The following FAM151B variants were observed in gnomAD, a reference collection of about 807,000 sequenced individuals.
FAM151B encodes the protein protein FAM151B.
In FAM151B, 24 loss-of-function variants were observed where a neutral mutation model predicts 31.2. The observed-to-expected ratio is 0.77, with a 90% CI of 0.56 to 1.08. The LOEUF (loss-of-function observed/expected upper bound fraction) is 1.08, where lower values mean the gene tolerates loss of function less well. Ranked by LOEUF, FAM151B falls within the 50% of genes least tolerant of loss-of-function variation. The probability of loss-of-function intolerance (pLI) is 0.00; values close to 1 mark genes in which losing one functional copy is unlikely to be tolerated. For synonymous variants in FAM151B, 105 were observed against 111.4 expected (o/e 0.94, Z 0.36); for missense variants, 293 against 328.6 (o/e 0.89, Z 0.84).
At position 80,519,833 on chromosome 5, in the gene FAM151B, C is replaced by G; in HGVS notation, c.458C>G (p.Thr153Ser). The G allele has an allele frequency of 2.5e-6, 4 of 1,614,116 alleles. No homozygotes were observed. Among genetic ancestry groups the G allele is most frequent in the Non-Finnish European group, 3.4e-6 (4 of 1,180,014 alleles). Reference sequence around the variant, plus strand: ...ATAGATGCAAAACCATTTTTAGACACCGTGATATCCTTCTTTCCAGACGTG... The same window carrying G: ...ATAGATGCAAAACCATTTTTAGACAGCGTGATATCCTTCTTTCCAGACGTG... ...KVIDAKPFLD[T>S]VISFFPDVTF... Residue 153 changes from threonine (T) to serine (S), a missense_variant, in exon 4 of 6, where the codon ACC becomes AGC. By Grantham distance (58) the Thr-to-Ser change is moderately conservative (BLOSUM62 1). Transcript: ENST00000282226.
At chr5:80,497,022 G>T (rs978965913) in intron 1 of FAM151B, among the ~76,000 whole-genome samples, 10 of 151,816 alleles carry the variant, frequency 6.6e-5, no homozygotes, top group Middle Eastern at 3.4e-3. Context: ...TATTGGCCAG[G>T]CTGGTCTCGA....
intron 5 of FAM151B, among the ~76,000 whole-genome samples, chr5:80,538,463 TTTCTTTCTTTCTTTC>T (rs1561383723): frequency 8.7e-6 from 1 of 115,212 alleles, no homozygotes; most frequent in African/African-American, 3.4e-5. Context: ...TCTTTCTTTC[TTTCTTTCTTTCTTTC>T]TTTCTTTCCT....
At chr5:80,500,439 T>G in intron 1 of FAM151B, 1 of 1,077,658 alleles carries the variant, frequency 9.3e-7, no homozygotes, top group South Asian at 1.2e-5. Flanking sequence ...AGAAAGAAGT[T>G]TACCCAAAAG....
At chr5:80,502,918 A>C (rs2112608729) in intron 2 of FAM151B, among the ~76,000 whole-genome samples, 1 of 152,356 alleles carries the variant, frequency 6.6e-6, no homozygotes, top group Middle Eastern at 3.4e-3. Context: ...ATTATTTAGT[A>C]AATGAATTTT....
chr5:80,522,275 G>A (rs1744755285), intron 5 of FAM151B, 137 bp downstream of exon 5: 1 of 843,182 alleles, frequency 1.2e-6, no homozygotes, highest in South Asian at 2.6e-5. Flanking sequence ...GATGATATAA[G>A]CGCACAGACT....
At chr5:80,493,479 G>A (rs1362547425) in intron 1 of FAM151B, among the ~76,000 whole-genome samples, 1 of 152,140 alleles carries the variant, frequency 6.6e-6, no homozygotes, top group Non-Finnish European at 1.5e-5. Flanking sequence ...TGCGGGGTTG[G>A]GCAGAATCGA....
intron 5 of FAM151B, among the ~76,000 whole-genome samples, chr5:80,539,609 A>C (rs1745776028): frequency 6.6e-6 from 1 of 152,050 alleles, no homozygotes; most frequent in Non-Finnish European, 1.5e-5. Context: ...CCTGTACCTC[A>C]GCCTCCCGAG....
intron 1 of FAM151B, among the ~76,000 whole-genome samples, 191 bp downstream of exon 1, chr5:80,488,339 C>G (rs1053043085): frequency 3.9e-5 from 6 of 152,358 alleles, no homozygotes; most frequent in African/African-American, 1.4e-4. Context: ...TGGCAAGGAC[C>G]TTGGTTTGCC....
chr5:80,510,635 G>T (rs900609257), intron 2 of FAM151B: 2 of 152,194 alleles, frequency 1.3e-5, no homozygotes, highest in African/African-American at 4.8e-5. Flanking sequence ...TATAATGATA[G>T]ATTTAGAATT....
At chr5:80,533,436 A>G (rs779262210) in intron 5 of FAM151B, among the ~76,000 whole-genome samples, 2 of 151,506 alleles carry the variant, frequency 1.3e-5, no homozygotes, top group Non-Finnish European at 2.9e-5. Flanking sequence ...CAAACCCAAA[A>G]TTAGTAGAAG....
chr5:80,495,606 G>T (rs1017321683), intron 1 of FAM151B, among the ~76,000 whole-genome samples: 6 of 152,070 alleles, frequency 3.9e-5, no homozygotes, highest in African/African-American at 1.4e-4. Context: ...TGAGGCAGGC[G>T]GATCATGAGG....
intron 1 of FAM151B, chr5:80,500,904 TG>T: frequency 1.3e-6 from 1 of 784,702 alleles, no homozygotes; most frequent in African/African-American, 1.7e-5. Flanking sequence ...ATCTGATTCA[TG>T]AGATCTATAC....
At position 80,538,541 on chromosome 5, in the gene FAM151B, C is replaced by T. The variant is rs1349859260; in HGVS notation, c.672-3132C>T. ...CCTTCCTTCCTTCCTTCCTTCCTTC[C>T]TTCCTTCCTTCCTTCCTTCCTTCCT... On this transcript the variant is annotated intron_variant, in intron 5 of 5. Transcript: ENST00000282226. Among the ~76,000 whole-genome samples the T allele has an allele frequency of 2.2e-3, 280 of 128,948 alleles. 6 individuals carry two copies. Among genetic ancestry groups the T allele is most frequent in the African/African-American group, 8.1e-3 (265 of 32,518 alleles). 84.6% of individuals were successfully genotyped at this position (128,948 alleles called of 152,430 possible). A position where few individuals can be genotyped will look rare whatever the true frequency, so the allele number is the denominator to read the frequency against.
chr5:80,541,712 T>C lies in FAM151B; in HGVS notation c.711T>C (p.Tyr237=), dbSNP rs762285644. The change falls in exon 6 of 6, where the codon TAT becomes TAC. Residue 237 remains tyrosine, a synonymous_variant. Transcript: ENST00000282226. ...LTIWTGKNDN[Y]SVEDLLYIRD... ...TTTGGACTGGAAAAAATGATAACTA[T>C]TCCGTTGAAGATTTACTTTACATTA... 5.0e-6 allele frequency: 8 copies of C among 1,613,712 alleles called. No individual in the cohort carries two copies. The South Asian group carries it at 8.8e-5, about 18-fold the overall frequency.
In FAM151B at chr5:80,513,814, C is replaced by G. The variant is rs751294941; in HGVS notation, c.317+45C>G. 2.1e-5 allele frequency: 32 copies of G among 1,525,580 alleles called. No homozygotes were observed. The Admixed American group carries it at 6.6e-4, about 31-fold the overall frequency. The allele number at this position is 1,525,580 out of a possible 1,614,324, so 94.5% of individuals were successfully genotyped here. On this transcript the variant is annotated intron_variant, in intron 3 of 5. Transcript: ENST00000282226. ...CAATTTTCTGGGAAAAAAGTAATAG[C>G]TGTGCCTGACTACCTATTTTTTTTA... is the stretch of plus-strand genomic sequence containing the variant.
chr5:80,500,861 C>A (rs2112605208), intron 1 of FAM151B: 1 of 1,010,066 alleles, frequency 9.9e-7, no homozygotes, highest in Non-Finnish European at 1.6e-6. Context: ...ATTGTTCCAT[C>A]TCTTGGTAAA....
At chr5:80,491,414 G>C (rs759516185) in intron 1 of FAM151B, among the ~76,000 whole-genome samples, 10 of 152,070 alleles carry the variant, frequency 6.6e-5, no homozygotes, top group Non-Finnish European at 1.5e-4. Flanking sequence ...GTAGAGACAA[G>C]GTCTTGCTTC....
At chr5:80,533,207 C>G (rs1305071368) in intron 5 of FAM151B, among the ~76,000 whole-genome samples, 2 of 151,846 alleles carry the variant, frequency 1.3e-5, no homozygotes, top group South Asian at 4.2e-4. Context: ...GAAACCCCGT[C>G]TCTACTAAAA....
intron 5 of FAM151B, among the ~76,000 whole-genome samples, chr5:80,526,752 C>G (rs1013939802): frequency 5.9e-5 from 9 of 152,092 alleles, no homozygotes; most frequent in Non-Finnish European, 1.3e-4. Context: ...GTTAATACCT[C>G]TAGAATAGTG....
Sources: gnomAD v4.1 joint callset for allele counts (sites outside exome capture counted in the v4.1 genomes callset) on GRCh38, gnomAD v4.1.1 for gene constraint, MANE v1.5 for transcripts, NCBI Gene and HGNC (gene_info 2026-07-23, HGNC 2026-07-21) for gene names.